Variants in INTS4 observed in about 807,000 individuals in gnomAD.
INTS4 encodes the protein integrator complex subunit 4.
In INTS4, 70 loss-of-function variants were observed where a neutral mutation model predicts 119.5. The observed-to-expected ratio is 0.59, with a 90% confidence interval of 0.48 to 0.71. The LOEUF is 0.71. Among genes scored for constraint, INTS4 ranks in the 30% least tolerant of loss-of-function variants. The pLI is 0.00. For missense variants in INTS4, 867 were observed against 1,173.2 expected (o/e 0.74, Z 3.81); for synonymous variants, 316 against 419.6 (o/e 0.75, Z 3.02).
At chr11:77,891,604 G>A in intron 20 of INTS4, 77 bp downstream of exon 20, 1 of 1,582,156 alleles carries the variant, frequency 6.3e-7, no homozygotes, top group Non-Finnish European at 8.6e-7. Context: ...TGCTCCACTG[G>A]TCAAAGAAGA....
intron 21 of INTS4, among the ~76,000 whole-genome samples, chr11:77,886,432 C>T (rs544038627): frequency 6.6e-6 from 1 of 151,790 alleles, no homozygotes; most frequent in South Asian, 2.1e-4. Flanking sequence ...TTAATAATCG[C>T]GAAGGCCCGC....
intron 6 of INTS4, among the ~76,000 whole-genome samples, chr11:77,960,089 C>T (rs1954428822): frequency 6.6e-6 from 1 of 151,904 alleles, no homozygotes; most frequent in Admixed American, 6.6e-5. Context: ...TCTTCAGGTA[C>T]TCTCATTCTC....
At chr11:77,901,338 T>C in intron 18 of INTS4, 83 bp downstream of exon 18, 1 of 1,392,774 alleles carries the variant, frequency 7.2e-7, no homozygotes, top group Non-Finnish European at 1.0e-6. Context: ...TCACTTATCA[T>C]TAACTTTCGT....
intron 4 of INTS4, among the ~76,000 whole-genome samples, chr11:77,967,568 C>A (rs1198757936): frequency 6.6e-6 from 1 of 152,084 alleles, no homozygotes; most frequent in Non-Finnish European, 1.5e-5. Context: ...TCAAATAACT[C>A]TATAATCAAA....
chr11:77,922,668 T>C, intron 12 of INTS4, 197 bp from the exon 13 acceptor site: 4 of 814,612 alleles, frequency 4.9e-6, no homozygotes, highest in South Asian at 3.7e-5. Context: ...CTGGTTATTA[T>C]AAAGATAAAA....
chr11:77,962,185 A>G (rs1474808451), intron 4 of INTS4, among the ~76,000 whole-genome samples: 1 of 152,238 alleles, frequency 6.6e-6, no homozygotes, highest in Non-Finnish European at 1.5e-5. Flanking sequence ...CAGAAGGCTG[A>G]GGTAGGAGGA....
chr11:77,967,899 A>T (rs1015796237), intron 4 of INTS4, among the ~76,000 whole-genome samples: 2 of 152,206 alleles, frequency 1.3e-5, no homozygotes, highest in Non-Finnish European at 2.9e-5. Context: ...ACAAGGATAC[A>T]TTCTGAGAAA....
At chr11:77,960,461 C>G (rs1954440449) in intron 5 of INTS4, 70 bp from the exon 6 acceptor site, 1 of 1,167,806 alleles carries the variant, frequency 8.6e-7, no homozygotes, top group Non-Finnish European at 1.3e-6. Context: ...TCCCCACAAT[C>G]TCACATATTT....
intron 8 of INTS4, among the ~76,000 whole-genome samples, chr11:77,942,661 T>A (rs867438029): frequency 8.5e-5 from 13 of 152,276 alleles, no homozygotes; most frequent in African/African-American, 2.9e-4. Flanking sequence ...ATAAAGCCCA[T>A]CTTGCAACAG....
intron 15 of INTS4, among the ~76,000 whole-genome samples, chr11:77,917,219 T>C (rs182517205): frequency 7.9e-5 from 12 of 152,334 alleles, no homozygotes; most frequent in African/African-American, 2.6e-4. Flanking sequence ...CCACTAAAAA[T>C]TATTAATTGA....
At chr11:77,914,053 C>A (rs1306872310) in intron 15 of INTS4, among the ~76,000 whole-genome samples, 1 of 152,204 alleles carries the variant, frequency 6.6e-6, no homozygotes, top group Non-Finnish European at 1.5e-5. Context: ...CTGCTTCTGC[C>A]TCTTCTTAGC....
chr11:77,892,570 A>G (rs1413338425), intron 19 of INTS4, among the ~76,000 whole-genome samples: 1 of 152,138 alleles, frequency 6.6e-6, no homozygotes, highest in Non-Finnish European at 1.5e-5. Flanking sequence ...TTTCAGATTC[A>G]AAACTAGAAT....
intron 21 of INTS4, among the ~76,000 whole-genome samples, chr11:77,889,064 C>T (rs1040953418): frequency 1.3e-5 from 2 of 152,140 alleles, no homozygotes; most frequent in Admixed American, 6.5e-5. Flanking sequence ...ACCCAGTCAT[C>T]GCATTACTGG....
At chr11:77,911,212 A>G (rs867999332) in intron 15 of INTS4, 2 of 1,075,792 alleles carry the variant, frequency 1.9e-6, no homozygotes, top group African/African-American at 3.3e-5. Context: ...TGTATGATAT[A>G]TATCACTTCT....
At chr11:77,926,593 G>T (rs1346181879) in intron 11 of INTS4, among the ~76,000 whole-genome samples, 1 of 151,982 alleles carries the variant, frequency 6.6e-6, no homozygotes, top group Non-Finnish European at 1.5e-5. Flanking sequence ...GATCACTTGA[G>T]GTCAGGAGTT....
chr11:77,971,810 T>C (rs2136617714), intron 4 of INTS4, among the ~76,000 whole-genome samples: 1 of 152,314 alleles, frequency 6.6e-6, no homozygotes, highest in African/African-American at 2.4e-5. Flanking sequence ...GAACGTGTGC[T>C]TTTGTTAAAT....
chr11:77,896,581 G>A (rs1289475457), intron 18 of INTS4, among the ~76,000 whole-genome samples: 1 of 151,824 alleles, frequency 6.6e-6, no homozygotes, highest in Non-Finnish European at 1.5e-5. Flanking sequence ...GAACCCGGGA[G>A]GTGGAGGTTG....
intron 4 of INTS4, among the ~76,000 whole-genome samples, chr11:77,963,048 T>C (rs1855316341): frequency 1.3e-5 from 2 of 151,992 alleles, no homozygotes; most frequent in Admixed American, 1.3e-4. Context: ...ACAAAACAAA[T>C]GAACTATTTA....
chr11:77,931,253 A>T (rs1427594031), intron 10 of INTS4, among the ~76,000 whole-genome samples: 1 of 152,234 alleles, frequency 6.6e-6, no homozygotes, highest in East Asian at 1.9e-4. Context: ...AGTCCCAAAA[A>T]GGAGGGAGAA....
Sources: gnomAD v4.1 joint callset for allele counts (sites outside exome capture counted in the v4.1 genomes callset) on GRCh38, gnomAD v4.1.1 for gene constraint, MANE v1.5 for transcripts, NCBI Gene and HGNC (gene_info 2026-07-23, HGNC 2026-07-21) for gene names.